The following PPOX variants were observed in gnomAD, a reference collection of about 807,000 sequenced individuals.
PPOX encodes variegate porphyria.
A neutral mutation model predicts 54.1 loss-of-function variants in PPOX; 23 were observed. The observed-to-expected ratio is 0.43, with a 90% confidence interval of 0.31 to 0.60. PPOX has a LOEUF of 0.60. Among genes scored for constraint, PPOX ranks in the 20% least tolerant of loss-of-function variants. The probability of loss-of-function intolerance (pLI) is 0.13; values close to 1 mark genes in which losing one functional copy is unlikely to be tolerated. For synonymous variants in PPOX, 224 were observed against 236.1 expected (o/e 0.95, Z 0.47); for missense variants, 512 against 601.1 (o/e 0.85, Z 1.55).
chr1:161,172,216 C>T, downstream of PPOX: 1 of 1,613,688 alleles, frequency 6.2e-7, no homozygotes, highest in East Asian at 2.2e-5. Context: ...GCAGTCCTTC[C>T]TTCTTCCTAC....
chr1:161,170,826 G>A, intron 11 of PPOX, 57 bp downstream of exon 11: 1 of 1,613,654 alleles, frequency 6.2e-7, no homozygotes. Context: ...GACAGAGACT[G>A]GAACATTTGT....
At chr1:161,174,227 A>G (rs183614116), downstream of PPOX, among the ~76,000 whole-genome samples, 50 of 152,206 alleles carry the variant, frequency 3.3e-4, no homozygotes, top group East Asian at 8.3e-3. Flanking sequence ...CTAACACGGT[A>G]AAACCCCATC....
intron 9 of PPOX, 71 bp downstream of exon 9, chr1:161,170,095 G>A: frequency 2.0e-6 from 3 of 1,534,310 alleles, no homozygotes; most frequent in East Asian, 4.8e-5. Flanking sequence ...GGGAGGCCGA[G>A]GTGGGCAGAT....
intron 10 of PPOX, 38 bp from the exon 11 acceptor site, chr1:161,170,582 G>A: frequency 1.2e-6 from 2 of 1,614,172 alleles, no homozygotes; most frequent in Non-Finnish European, 1.7e-6. Flanking sequence ...TCCATTGTAG[G>A]CAAGGCCAGA....
downstream of PPOX, chr1:161,175,129 C>T (rs778306998): frequency 3.7e-6 from 6 of 1,613,914 alleles, no homozygotes; most frequent in Middle Eastern, 1.7e-4. Context: ...GGGCTCACAA[C>T]CTGCAGGGCG....
rs1177568119 is a variant in PPOX at position 161,169,105 on chromosome 1, C to T, written c.729C>T (p.His243=). ...LEMLPQALET[H]LTSRGVSVLR... is the part of the protein sequence containing the mutation. ...TGTTGCCTCAGGCCCTTGAAACCCA[C>T]CTGACTAGTAGGGGGGTCAGTGTTC... Residue 243 remains histidine, a synonymous_variant, in exon 7 of 13, where the codon CAC becomes CAT. Coordinates refer to ENST00000367999, the MANE Select transcript of PPOX (RefSeq NM_001122764.3). 6.2e-7 allele frequency: 1 copy of T among 1,614,216 alleles called. No homozygotes were observed. Among genetic ancestry groups the T allele is most frequent in the Non-Finnish European group, 8.5e-7 (1 of 1,180,042 alleles).
intron 6 of PPOX, 68 bp downstream of exon 6, chr1:161,168,644 G>A: frequency 6.4e-7 from 1 of 1,572,914 alleles, no homozygotes; most frequent in East Asian, 2.2e-5. Context: ...GGGGACAAGG[G>A]GTGCTATTCA....
downstream of PPOX, chr1:161,177,231 A>G: frequency 3.0e-6 from 2 of 676,154 alleles, no homozygotes; most frequent in Non-Finnish European, 4.9e-6. Context: ...GAGCACGCCC[A>G]TCCTATCCCA....
downstream of PPOX, chr1:161,173,683 G>C (rs757443698): frequency 2.9e-5 from 47 of 1,614,154 alleles, no homozygotes; most frequent in Non-Finnish European, 3.9e-5. Flanking sequence ...GTACTGGTCA[G>C]GAGTAAGTGC....
At chr1:161,166,802 C>A in intron 1 of PPOX, 38 bp from the exon 2 acceptor site, 4 of 1,607,462 alleles carry the variant, frequency 2.5e-6, no homozygotes, top group Non-Finnish European at 3.4e-6. Context: ...CGCAGGTTGT[C>A]CCCGGTCTGC....
chr1:161,168,906 C>A, intron 6 of PPOX, 87 bp from the exon 7 acceptor site: 1 of 1,491,738 alleles, frequency 6.7e-7, no homozygotes, highest in South Asian at 1.2e-5. Flanking sequence ...TCAAGTGATC[C>A]ACCCGCCTCG....
At chr1:161,170,373 C>T in intron 9 of PPOX, 36 bp from the exon 10 acceptor site, 4 of 1,345,756 alleles carry the variant, frequency 3.0e-6, no homozygotes, top group Non-Finnish European at 4.1e-6. Flanking sequence ...CAGCTAGAGC[C>T]CTTTCCTTCT....
downstream of PPOX, chr1:161,171,471 G>A: frequency 1.7e-6 from 1 of 590,652 alleles, no homozygotes; most frequent in Non-Finnish European, 3.0e-6. Context: ...TATTCACAGA[G>A]GTCCGAGGAG....
chr1:161,170,850 C>T (rs1292044970), intron 11 of PPOX, 57 bp from the exon 12 acceptor site: 1 of 1,613,714 alleles, frequency 6.2e-7, no homozygotes, highest in South Asian at 1.1e-5. Context: ...TGTATGTCAG[C>T]CAAGGCCTAG....
At chr1:161,172,379 C>T (rs768017177), downstream of PPOX, 4 of 1,516,820 alleles carry the variant, frequency 2.6e-6, no homozygotes, top group East Asian at 9.0e-5. Context: ...TAGAGAAAAG[C>T]AAGGAAGGGA....
At chr1:161,169,309 C>A (rs1450928831) in intron 7 of PPOX, 126 bp downstream of exon 7, 3 of 1,135,080 alleles carry the variant, frequency 2.6e-6, no homozygotes, top group Non-Finnish European at 3.8e-6. Context: ...GCTACTTAGA[C>A]ATGGGCTACC....
chr1:161,166,520 C>T lies in PPOX; in HGVS notation c.-161C>T, dbSNP rs1658957062. 1 of 1,350,264 alleles carries T rather than the reference C, an allele frequency of 7.4e-7. No homozygotes were observed. The highest frequency in any genetic ancestry group is 1.5e-5 in the African/African-American group (1 of 67,986). 83.6% of individuals were successfully genotyped at this position (1,350,264 alleles called of 1,614,324 possible). On this transcript the variant is annotated 5_prime_UTR_variant, in exon 1 of 13. Transcript: ENST00000367999. ...CAGAGGTGTGGCAAGCAGAGCACCT[C>T]AGAACTCAGGCGTACTGCCCGCCGC...
At chr1:161,171,618 G>A, downstream of PPOX, 1 of 678,908 alleles carries the variant, frequency 1.5e-6, no homozygotes, top group Non-Finnish European at 2.4e-6. Flanking sequence ...AGCCCTACAG[G>A]AGACCCTAGA....
At chr1:161,171,495 C>T, downstream of PPOX, 1 of 581,146 alleles carries the variant, frequency 1.7e-6, no homozygotes, top group Non-Finnish European at 3.0e-6. Context: ...CCAGATCACT[C>T]TTCTCTCCAT....
Sources: allele counts gnomAD v4.1 joint callset (sites outside exome capture counted in the v4.1 genomes callset), GRCh38; gene constraint gnomAD v4.1.1; transcripts MANE v1.5; gene names NCBI Gene and HGNC (gene_info 2026-07-23, HGNC 2026-07-21).